The following MAML3 variants were observed in gnomAD, a reference collection of about 807,000 sequenced individuals.
The protein encoded by MAML3 is mastermind-like protein 3.
MAML3 carries 27 observed loss-of-function variants against 101.9 expected under a neutral mutation model. That is an observed-to-expected ratio of 0.27 (90% CI 0.20 to 0.37). The LOEUF is 0.37. MAML3 is among the 10% of genes least tolerant of loss of function. The probability of loss-of-function intolerance (pLI) is 1.00; values close to 1 mark genes in which losing one functional copy is unlikely to be tolerated. For missense variants in MAML3, 1,316 were observed against 1,444.9 expected (o/e 0.91, Z 1.45); for synonymous variants, 501 against 555.9 (o/e 0.90, Z 1.39).
intron 2 of MAML3, among the ~76,000 whole-genome samples, chr4:139,759,477 T>C (rs138466510): frequency 2.4e-3 from 359 of 152,304 alleles, no homozygotes; most frequent in Non-Finnish European, 3.9e-3. Flanking sequence ...CATCTCTCCC[T>C]TACAATTTTT....
chr4:139,870,677 T>C lies in MAML3; in HGVS notation c.2079+18680A>G, dbSNP rs560010714. Among the ~76,000 whole-genome samples, 8 of 152,270 alleles carry C rather than the reference T, an allele frequency of 5.3e-5. No individual in the cohort carries two copies. In the East Asian group the frequency reaches 1.4e-3, roughly 26 times the overall value. ...TCTTTTTTTGGACAGGGTCTCACTC[T>C]GTCGCCCAGGCTGGAGTTCAGTGGC... On this transcript the variant is annotated intron_variant, in intron 2 of 4. Transcript: ENST00000509479.
chr4:140,073,728 A>G (rs1727704685), intron 1 of MAML3, among the ~76,000 whole-genome samples: 1 of 152,172 alleles, frequency 6.6e-6, no homozygotes, highest in Non-Finnish European at 1.5e-5. Flanking sequence ...TGCTTTTTGC[A>G]ACTCATTTTA....
intron 2 of MAML3, among the ~76,000 whole-genome samples, chr4:139,887,152 A>T (rs1489775925): frequency 6.6e-6 from 1 of 152,234 alleles, no homozygotes; most frequent in African/African-American, 2.4e-5. Context: ...AATGTAATGA[A>T]CTATTCTGAG....
intron 2 of MAML3, among the ~76,000 whole-genome samples, chr4:139,853,884 C>T (rs1038808709): frequency 6.6e-6 from 1 of 151,790 alleles, no homozygotes; most frequent in South Asian, 2.1e-4. Context: ...TGCTGTGGCA[C>T]GATCTCGGGT....
chr4:139,754,318 A>T (rs1394810476), intron 2 of MAML3, among the ~76,000 whole-genome samples: 1 of 152,250 alleles, frequency 6.6e-6, no homozygotes, highest in African/African-American at 2.4e-5. Flanking sequence ...TCCACTATGG[A>T]AAATGTGGAC....
At chr4:140,084,939 G>A (rs1727926829) in intron 1 of MAML3, among the ~76,000 whole-genome samples, 1 of 152,080 alleles carries the variant, frequency 6.6e-6, no homozygotes, top group Non-Finnish European at 1.5e-5. Context: ...AACATCGGGG[G>A]GCGGCAGGGG....
At chr4:139,767,827 C>T (rs1253387626) in intron 2 of MAML3, among the ~76,000 whole-genome samples, 2 of 152,188 alleles carry the variant, frequency 1.3e-5, no homozygotes, top group Admixed American at 1.3e-4. Flanking sequence ...TCAAAGGAGT[C>T]TATGACTCCA....
chr4:139,771,957 A>G (rs1373421662), intron 2 of MAML3, among the ~76,000 whole-genome samples: 2 of 150,088 alleles, frequency 1.3e-5, no homozygotes, highest in South Asian at 2.1e-4. Context: ...AAAAAAAAAA[A>G]GTCCGGGCGC....
At chr4:139,931,854 A>G (rs1366127556) in intron 1 of MAML3, among the ~76,000 whole-genome samples, 1 of 137,296 alleles carries the variant, frequency 7.3e-6, no homozygotes, top group African/African-American at 3.5e-5. Flanking sequence ...TACTAAAAAA[A>G]AAAAAAATAC....
intron 2 of MAML3, among the ~76,000 whole-genome samples, chr4:139,758,587 G>C (rs1729698115): frequency 6.6e-6 from 1 of 152,186 alleles, no homozygotes; most frequent in Admixed American, 6.5e-5. Flanking sequence ...GAGAGTTACA[G>C]CAGGTTTCCT....
intron 2 of MAML3, among the ~76,000 whole-genome samples, chr4:139,806,566 A>G (rs1730703291): frequency 6.6e-6 from 1 of 152,208 alleles, no homozygotes; most frequent in Non-Finnish European, 1.5e-5. Context: ...TCAAGATCCT[A>G]GTTAATAACT....
intron 1 of MAML3, among the ~76,000 whole-genome samples, chr4:139,900,070 A>AG (rs35857386): frequency 0.84 from 128,423 of 152,028 alleles, 54,692 homozygotes; most frequent in South Asian, 0.92. Context: ...CCCCCAGCCC[A>AG]GGGGACAGAA....
intron 1 of MAML3, among the ~76,000 whole-genome samples, chr4:139,892,896 A>G (rs1010691214): frequency 7.0e-6 from 1 of 142,978 alleles, no homozygotes; most frequent in African/African-American, 2.7e-5. Context: ...GTGCCACTGC[A>G]CTCCAGCCTG....
At chr4:139,874,805 CTTT>C (rs35089838) in intron 2 of MAML3, among the ~76,000 whole-genome samples, 9 of 133,100 alleles carry the variant, frequency 6.8e-5, no homozygotes, top group Admixed American at 1.5e-4. Flanking sequence ...CCTATCTTTC[CTTT>C]TTTTTTTTTT....
intron 1 of MAML3, among the ~76,000 whole-genome samples, chr4:139,956,761 A>G (rs1733924421): frequency 6.6e-6 from 1 of 152,172 alleles, no homozygotes; most frequent in Non-Finnish European, 1.5e-5. Context: ...ACAGGAAAGG[A>G]GAAATAGCAG....
intron 1 of MAML3, among the ~76,000 whole-genome samples, chr4:139,991,218 A>G (rs904430595): frequency 3.3e-5 from 5 of 152,200 alleles, no homozygotes; most frequent in Admixed American, 6.5e-5. Flanking sequence ...AGATCAGTGG[A>G]ACAGAACAGA....
At chr4:139,791,995 T>A (rs1339662162) in intron 2 of MAML3, among the ~76,000 whole-genome samples, 1 of 152,218 alleles carries the variant, frequency 6.6e-6, no homozygotes, top group Non-Finnish European at 1.5e-5. Context: ...TGAACTTAGA[T>A]CCTTTGAGTA....
intron 1 of MAML3, among the ~76,000 whole-genome samples, chr4:140,043,991 T>TG (rs1178704426): frequency 6.6e-6 from 1 of 152,090 alleles, no homozygotes; most frequent in Non-Finnish European, 1.5e-5. Flanking sequence ...GTGCTCCTGA[T>TG]AAAAAGGGAA....
chr4:139,951,734 C>CTTT (rs71584344), intron 1 of MAML3, among the ~76,000 whole-genome samples: 171 of 142,910 alleles, frequency 1.2e-3, no homozygotes, highest in African/African-American at 4.0e-3. Context: ...TGTTTTTGTT[C>CTTT]TTTTTTTTTT....
Sources: gnomAD v4.1 joint callset for allele counts (sites outside exome capture counted in the v4.1 genomes callset) on GRCh38, gnomAD v4.1.1 for gene constraint, MANE v1.5 for transcripts, NCBI Gene and HGNC (gene_info 2026-07-23, HGNC 2026-07-21) for gene names.